Variants in KCND2 observed in about 807,000 individuals in gnomAD.
KCND2 encodes the protein potassium voltage-gated channel subfamily D member 2, also known as A-type voltage-gated potassium channel KCND2.
KCND2 carries 16 observed loss-of-function variants against 54.4 expected under a neutral mutation model. The ratio of observed to expected loss-of-function variants is 0.29; its 90% CI spans 0.20 to 0.45. KCND2 has a LOEUF of 0.45. Among genes scored for constraint, KCND2 ranks in the 20% least tolerant of loss-of-function variants. The pLI is 1.00. For synonymous variants in KCND2, 317 were observed against 310.7 expected (o/e 1.02, Z -0.21); for missense variants, 486 against 824.2 (o/e 0.59, Z 5.02).
chr7:120,381,053 G>A (rs1288537942), intron 1 of KCND2, among the ~76,000 whole-genome samples: 1 of 151,956 alleles, frequency 6.6e-6, no homozygotes, highest in Non-Finnish European at 1.5e-5. Flanking sequence ...GAGGTGGGAG[G>A]ATTACCTGAG....
At position 120,275,303 on chromosome 7, in the gene KCND2, G is replaced by C; in HGVS notation, c.671G>C (p.Arg224Pro). ...ATTAAAGAACTGCCCTGTGGAGAGC[G>C]GTATGCTGTGGCCTTCTTCTGCTTG... is the stretch of plus-strand genomic sequence containing the variant. ...GHIKELPCGE[R>P]YAVAFFCLDT... Residue 224 changes from arginine (R) to proline (P), a missense_variant, in exon 1 of 6, where the codon CGG (arginine) becomes CCG (proline). Arg to Pro is a moderately radical substitution (Grantham distance 103). This residue lies in a region of KCND2 where 231 missense variants were observed against 386.0 expected (regional missense o/e 0.60). Transcript: ENST00000331113. 1 of 1,613,760 alleles carries C rather than the reference G, an allele frequency of 6.2e-7. No homozygotes were observed.
intron 1 of KCND2, among the ~76,000 whole-genome samples, chr7:120,450,479 A>G (rs1802086294): frequency 6.6e-6 from 1 of 152,116 alleles, no homozygotes; most frequent in South Asian, 2.1e-4. Context: ...ATGGGTTGGG[A>G]AAGGTGTAGC....
intron 1 of KCND2, among the ~76,000 whole-genome samples, chr7:120,545,699 A>G (rs1231893802): frequency 1.3e-5 from 2 of 151,850 alleles, no homozygotes; most frequent in East Asian, 3.8e-4. Context: ...GAGTTGGTAG[A>G]CTACAAAATG....
intron 1 of KCND2, among the ~76,000 whole-genome samples, chr7:120,547,697 G>A (rs1792059759): frequency 6.6e-6 from 1 of 152,008 alleles, no homozygotes; most frequent in Admixed American, 6.6e-5. Context: ...TAAGAATGAT[G>A]CTGTTCTTCT....
intron 1 of KCND2, among the ~76,000 whole-genome samples, chr7:120,316,854 T>TG (rs767754199): frequency 3.6e-4 from 53 of 148,256 alleles, no homozygotes; most frequent in Admixed American, 4.7e-4. Flanking sequence ...TTTTTTTTTT[T>TG]GGGACGAGGT....
At chr7:120,685,451 T>C (rs1386598477) in intron 1 of KCND2, among the ~76,000 whole-genome samples, 3 of 152,180 alleles carry the variant, frequency 2.0e-5, no homozygotes, top group Non-Finnish European at 4.4e-5. Context: ...ACTGTGGCAC[T>C]AACTAGGAGG....
At chr7:120,739,785 A>G (rs1445473476) in intron 2 of KCND2, among the ~76,000 whole-genome samples, 7 of 148,092 alleles carry the variant, frequency 4.7e-5, no homozygotes, top group Non-Finnish European at 1.0e-4. Flanking sequence ...ATTTGGTAAG[A>G]CTTAACAAAA....
chr7:120,323,126 C>T (rs1422545708), intron 1 of KCND2, among the ~76,000 whole-genome samples: 1 of 151,818 alleles, frequency 6.6e-6, no homozygotes, highest in Non-Finnish European at 1.5e-5. Flanking sequence ...TAGGTATTTG[C>T]CCTAATACTC....
chr7:120,632,970 G>A (rs919334189), intron 1 of KCND2, among the ~76,000 whole-genome samples: 1 of 152,106 alleles, frequency 6.6e-6, no homozygotes, highest in African/African-American at 2.4e-5. Context: ...TCCAATCTTG[G>A]CATAAGGAGA....
Position 120,561,631 on chromosome 7 carries a change from G to C in KCND2, c.1116-171272G>C, listed in dbSNP as rs1488066941. 4.7e-5 allele frequency among the ~76,000 whole-genome samples: 3 copies of C among 63,298 alleles called. No individual in the cohort carries two copies. The East Asian group carries it at 1.4e-3, about 29-fold the overall frequency. The allele number at this position is 63,298 out of a possible 152,430, so 41.5% of individuals were successfully genotyped here. A position where few individuals can be genotyped will look rare whatever the true frequency, so the allele number is the denominator to read the frequency against. ...TTTTTTTTTTTTTTTTTTTTTTTGA[G>C]ATGGAGTTTTGCTCTTGTTGCCCAG... On this transcript the variant is annotated intron_variant, in intron 1 of 5. Coordinates refer to ENST00000331113, the MANE Select transcript of KCND2 (RefSeq NM_012281.3).
intron 1 of KCND2, among the ~76,000 whole-genome samples, chr7:120,403,068 C>T (rs56679785): frequency 0.01 from 1,526 of 152,288 alleles, 27 homozygotes; most frequent in African/African-American, 0.034. Flanking sequence ...TTCTCTCCTG[C>T]ATTGTCCATA....
chr7:120,479,719 G>A (rs547349586), intron 1 of KCND2, among the ~76,000 whole-genome samples: 32 of 148,708 alleles, frequency 2.2e-4, no homozygotes, highest in Admixed American at 1.1e-3. Context: ...ACTTGAGGCC[G>A]GGAGTTCAAG....
At chr7:120,581,317 T>C (rs996350686) in intron 1 of KCND2, among the ~76,000 whole-genome samples, 1 of 152,230 alleles carries the variant, frequency 6.6e-6, no homozygotes, top group African/African-American at 2.4e-5. Context: ...ATATTTAGTA[T>C]CTGAGTTTGA....
chr7:120,665,328 T>C (rs1037785698), intron 1 of KCND2, among the ~76,000 whole-genome samples: 1 of 152,110 alleles, frequency 6.6e-6, no homozygotes, highest in African/African-American at 2.4e-5. Context: ...ATACACCAGA[T>C]ATTTAAGTTG....
At chr7:120,640,555 A>G (rs1237583620) in intron 1 of KCND2, among the ~76,000 whole-genome samples, 1 of 152,014 alleles carries the variant, frequency 6.6e-6, no homozygotes, top group East Asian at 1.9e-4. Context: ...TAGAGGAGGA[A>G]TAATTTTATG....
At chr7:120,587,765 G>C (rs1792618678) in intron 1 of KCND2, among the ~76,000 whole-genome samples, 1 of 152,058 alleles carries the variant, frequency 6.6e-6, no homozygotes, top group Non-Finnish European at 1.5e-5. Context: ...AAATGCATGT[G>C]GTGCGTGTTA....
chr7:120,723,924 C>A (rs1792700189), intron 1 of KCND2, among the ~76,000 whole-genome samples: 1 of 150,470 alleles, frequency 6.6e-6, no homozygotes, highest in African/African-American at 2.5e-5. Context: ...AGTGTAGAAC[C>A]AGGTTATGCT....
intron 1 of KCND2, among the ~76,000 whole-genome samples, chr7:120,676,394 G>T (rs1033054121): frequency 1.3e-5 from 2 of 151,982 alleles, no homozygotes; most frequent in African/African-American, 4.8e-5. Context: ...ACATCACTCA[G>T]TCCCACCATA....
At chr7:120,571,893 A>T (rs1006794642) in intron 1 of KCND2, among the ~76,000 whole-genome samples, 7 of 152,234 alleles carry the variant, frequency 4.6e-5, no homozygotes, top group African/African-American at 1.7e-4. Context: ...TTTCTATAAT[A>T]TCATTTAATC....
Sources: gnomAD v4.1 joint callset for allele counts (sites outside exome capture counted in the v4.1 genomes callset) on GRCh38, gnomAD v4.1.1 for gene constraint, gnomAD v4.1.1 regional missense constraint, MANE v1.5 for transcripts, NCBI Gene and HGNC (gene_info 2026-07-23, HGNC 2026-07-21) for gene names.